The following FAM120AOS variants were observed in gnomAD, a reference collection of about 807,000 sequenced individuals.
FAM120AOS encodes family with sequence similarity 120 member A opposite strand.
In FAM120AOS, 15 loss-of-function variants were observed where a neutral mutation model predicts 20.2. The observed-to-expected ratio is 0.74, with a 90% CI of 0.50 to 1.15. FAM120AOS has a LOEUF of 1.15. Ranked by LOEUF, FAM120AOS falls within the 50% of genes most tolerant of loss-of-function variation. FAM120AOS has a pLI of 0.00. For missense variants in FAM120AOS, 327 were observed against 351.9 expected, an observed-to-expected ratio of 0.93 and a Z score of 0.57; for synonymous variants, 154 against 154.0, an observed-to-expected ratio of 1.00 and a Z score of 0.00.
intron 1 of FAM120AOS, chr9:93,451,405 G>A: frequency 3.7e-6 from 5 of 1,365,054 alleles, no homozygotes; most frequent in Middle Eastern, 2.8e-4. Context: ...CGGGAACAGG[G>A]CGCAGGGGAG....
In FAM120AOS at chr9:93,452,581, A is replaced by T. The variant is rs79629992; in HGVS notation, c.129T>A (p.Ala43=). The part of the protein sequence containing the change: ...RTPNRDSWRR[A]WAARGLHPRP... ...GCGGGTGCAGGCCGCGCGCTGCCCA[A>T]GCCCGTCTCCAGCTGTCCCTGTTCG... The change falls in exon 1 of 3, where the codon GCT becomes GCA. Residue 43 remains alanine (A), a synonymous_variant. Transcript: ENST00000375412. The surrounding 1 kb of genome is among the most constrained non-coding windows in gnomAD (Gnocchi z 7.0). The T allele has an allele frequency of 1.3e-6, 2 of 1,596,618 alleles. No individual in the cohort carries two copies. The highest frequency in any genetic ancestry group is 2.7e-5 in the African/African-American group (2 of 74,954).
chr9:93,444,677 C>T lies in FAM120AOS; in HGVS notation c.*2934G>A, dbSNP rs182239743. On this transcript the variant is annotated 3_prime_UTR_variant, in exon 3 of 3. Coordinates refer to ENST00000375412, the MANE Select transcript of FAM120AOS (RefSeq NM_198841.4). ...TTGCCCAGGCTGGAGTGCAATGGTG[C>T]GATCTCGGCTCACCGCAACCTCCGC... is the stretch of plus-strand genomic sequence containing the variant. Among the ~76,000 whole-genome samples, 3 of 151,158 alleles carry T rather than the reference C, an allele frequency of 2.0e-5. No individual in the cohort carries two copies. The highest frequency in any genetic ancestry group is 2.1e-4 in the South Asian group (1 of 4,766).
chr9:93,451,360 C>T, intron 1 of FAM120AOS: 2 of 1,422,928 alleles, frequency 1.4e-6, no homozygotes, highest in South Asian at 1.5e-5. Context: ...CGCCCGAGAA[C>T]CACCGGGCGG....
At chr9:93,450,421 G>T in intron 2 of FAM120AOS, 58 bp downstream of exon 2, 1 of 1,518,130 alleles carries the variant, frequency 6.6e-7, no homozygotes, top group Non-Finnish European at 8.8e-7. Context: ...ATGTACGTAT[G>T]ATACTGGCTT....
intron 2 of FAM120AOS, chr9:93,448,385 T>C: frequency 5.7e-6 from 1 of 174,572 alleles, no homozygotes; most frequent in Non-Finnish European, 1.2e-5. Context: ...TCCCAGCTAC[T>C]CCAGAGGCTG....
chr9:93,452,293 C>G lies in FAM120AOS; in HGVS notation c.417G>C (p.Trp139Cys), dbSNP rs1857275077. Residue 139 changes from tryptophan (W) to cysteine (C), a missense_variant, in exon 1 of 3, where the codon TGG becomes TGC. By Grantham distance (215) the Trp-to-Cys change is radical. Transcript: ENST00000375412. The surrounding 1 kb of genome is among the most constrained non-coding windows in gnomAD (Gnocchi z 7.0). ...QTFGGGVPLF[W>C]TWLTICCAVW... ...CGGCACAGCAGATCGTCAGCCATGT[C>G]CAGAACAAGGGCACCCCGCCGCCAA... The G allele has an allele frequency of 6.2e-7, 1 of 1,612,912 alleles. No homozygotes were observed. The highest frequency in any genetic ancestry group is 8.5e-7 in the Non-Finnish European group (1 of 1,179,888).
chr9:93,451,537 G>A lies in FAM120AOS; in HGVS notation c.563+610C>T, dbSNP rs952807353. On this transcript the variant is annotated intron_variant, in intron 1 of 2. Coordinates refer to ENST00000375412, the MANE Select transcript of FAM120AOS (RefSeq NM_198841.4). ...CCAACTCCGGGCCTCCGCCTCCGCC[G>A]CCGCCTCCGGGAGCCCCGAGCCGCG... 55 of 989,146 alleles carry A rather than the reference G, an allele frequency of 5.6e-5. No homozygotes were observed. The Admixed American group carries it at 8.0e-4, about 14-fold the overall frequency. The allele number at this position is 989,146 out of a possible 1,614,324, so 61.3% of individuals were successfully genotyped here. A position where few individuals can be genotyped will look rare whatever the true frequency, so the allele number is the denominator to read the frequency against.
chr9:93,452,606 G>A lies in FAM120AOS; in HGVS notation c.104C>T (p.Pro35Leu), dbSNP rs1326264245. 5.6e-6 allele frequency: 9 copies of A among 1,598,860 alleles called. No individual in the cohort carries two copies. The highest frequency in any genetic ancestry group is 1.7e-4 in the Middle Eastern group (1 of 5,970). The stretch of plus-strand genomic sequence containing the variant: ...AGCCCGTCTCCAGCTGTCCCTGTTC[G>A]GGGTCCGCGGCCGCGTGGGGACACT... ...PSSVPTRPRT[P>L]NRDSWRRAWA... Residue 35 changes from proline to leucine, a missense_variant, in exon 1 of 3, where the codon CCG becomes CTG. Pro to Leu is a moderately conservative substitution (Grantham distance 98, BLOSUM62 -3). Coordinates refer to ENST00000375412, the MANE Select transcript of FAM120AOS (RefSeq NM_198841.4). The surrounding 1 kb of genome is among the most constrained non-coding windows in gnomAD (Gnocchi z 7.0).
Position 93,453,103 on chromosome 9 carries a change from G to A in FAM120AOS, c.-394C>T. 2 of 1,048,642 alleles carry A rather than the reference G, an allele frequency of 1.9e-6. No individual in the cohort carries two copies. The highest frequency in any genetic ancestry group is 2.3e-6 in the Non-Finnish European group (2 of 870,272). The allele number at this position is 1,048,642 out of a possible 1,614,324, so 65.0% of individuals were successfully genotyped here. ...GTGACTTCACGTCCGTGTGAAAGAG[G>A]TCTTTAAGGCAGTTCGGTTTTGTAG... On this transcript the variant is annotated 5_prime_UTR_variant, in exon 1 of 3. Coordinates refer to ENST00000375412, the MANE Select transcript of FAM120AOS (RefSeq NM_198841.4).
intron 1 of FAM120AOS, chr9:93,451,314 G>T: frequency 6.9e-7 from 1 of 1,447,294 alleles, no homozygotes. Flanking sequence ...AGGAGCAGGC[G>T]AGCTCTTCCC....
At chr9:93,449,492 A>ATTTTTTTTTTT (rs10667664) in intron 2 of FAM120AOS, among the ~76,000 whole-genome samples, 5 of 109,532 alleles carry the variant, frequency 4.6e-5, no homozygotes, top group East Asian at 2.7e-4. Context: ...TGGCACTGGC[A>ATTTTTTTTTTT]TTTTTTTTTT....
At position 93,447,582 on chromosome 9, in the gene FAM120AOS, A is replaced by G. The variant is rs1438075641; in HGVS notation, c.*29T>C. 2.5e-6 allele frequency: 4 copies of G among 1,601,690 alleles called. No homozygotes were observed. The highest frequency in any genetic ancestry group is 3.4e-6 in the Non-Finnish European group (4 of 1,169,678). On this transcript the variant is annotated 3_prime_UTR_variant, in exon 3 of 3. Coordinates refer to ENST00000375412, the MANE Select transcript of FAM120AOS (RefSeq NM_198841.4). ...ATCAGGGTGGTTTCTTGTCCTTTCA[A>G]TGCCTCTGCAGAACTTGACCCTAGT... is the stretch of plus-strand genomic sequence containing the variant.
In FAM120AOS at chr9:93,451,877, C is replaced by G. The variant is rs1197889575; in HGVS notation, c.563+270G>C. ...GGCCCCACCACCCCCGGCCCCGCCG[C>G]CCCCCGCCCGCACCCGCGCCCGCGC... On this transcript the variant is annotated intron_variant, in intron 1 of 2. Transcript: ENST00000375412. The G allele has an allele frequency of 1.6e-5, 19 of 1,178,368 alleles. No individual in the cohort carries two copies. In the South Asian group the frequency reaches 5.8e-4, roughly 36 times the overall value. 73.0% of individuals were successfully genotyped at this position (1,178,368 alleles called of 1,614,324 possible).
intron 2 of FAM120AOS, among the ~76,000 whole-genome samples, chr9:93,448,167 G>C (rs1262627246): frequency 6.6e-6 from 1 of 152,154 alleles, no homozygotes; most frequent in African/African-American, 2.4e-5. Flanking sequence ...GTTATTGTTG[G>C]TGGTTAGATA....
Position 93,452,268 on chromosome 9 carries a change from C to G in FAM120AOS, c.442G>C (p.Val148Leu), listed in dbSNP as rs748792452. 1.9e-6 allele frequency: 3 copies of G among 1,612,292 alleles called. No individual in the cohort carries two copies. Among genetic ancestry groups the G allele is most frequent in the Non-Finnish European group, 2.5e-6 (3 of 1,179,742 alleles). The change falls in exon 1 of 3, where the codon GTC (valine) becomes CTC (leucine). Residue 148 changes from valine (V) to leucine (L), a missense_variant. Transcript: ENST00000375412. This position sits in a 1 kb window ranked among gnomAD's most constrained non-coding sequence, Gnocchi z 7.0. ...FWTWLTICCA[V>L]WRSLPCRLTH... ...AAGCGGCAGGGCAACGAGCGCCAGA[C>G]GGCACAGCAGATCGTCAGCCATGTC...
rs1462212762 is a variant in FAM120AOS at position 93,445,308 on chromosome 9, A to G, written c.*2303T>C. On this transcript the variant is annotated 3_prime_UTR_variant, in exon 3 of 3. Transcript: ENST00000375412. ...GAGAAAAAATAAAAAAAAATTGTGT[A>G]TAGTTTTGGTGAGATCGTCAATCCA... 1.3e-5 allele frequency among the ~76,000 whole-genome samples: 2 copies of G among 152,096 alleles called. No individual in the cohort carries two copies. The highest frequency in any genetic ancestry group is 1.9e-4 in the East Asian group (1 of 5,194).
At chr9:93,451,828 C>T in intron 1 of FAM120AOS, 2 of 966,090 alleles carry the variant, frequency 2.1e-6, no homozygotes, top group Non-Finnish European at 2.5e-6. Flanking sequence ...GCCGCCCCCG[C>T]CCGCCAGCCC....
rs1183915469 is a variant in FAM120AOS at position 93,444,865 on chromosome 9, C to T, written c.*2746G>A. On this transcript the variant is annotated 3_prime_UTR_variant, in exon 3 of 3. Transcript: ENST00000375412. Reference sequence around the variant, plus strand: ...CCGACCTCAGGTGATCCACCCGCCTCGGCCTCCCAAAGTGCTGGGATTACA... The same window carrying T: ...CCGACCTCAGGTGATCCACCCGCCTTGGCCTCCCAAAGTGCTGGGATTACA... Among the ~76,000 whole-genome samples the T allele has an allele frequency of 2.6e-5, 4 of 151,762 alleles. No homozygotes were observed. The highest frequency in any genetic ancestry group is 4.4e-5 in the Non-Finnish European group (3 of 67,910).
Position 93,446,745 on chromosome 9 carries a change from T to A in FAM120AOS, c.*866A>T, listed in dbSNP as rs866283291. The A allele has an allele frequency of 6.6e-6, 1 of 152,134 alleles. No individual in the cohort carries two copies. 9.4% of individuals were successfully genotyped at this position (152,134 alleles called of 1,614,324 possible). ...ATAGCACTCATCTGAAGGCCCTCCA[T>A]GAGAACAACTCTTCTCTTCCACATA... On this transcript the variant is annotated 3_prime_UTR_variant, in exon 3 of 3. Transcript: ENST00000375412.
Sources: allele counts gnomAD v4.1 joint callset (sites outside exome capture counted in the v4.1 genomes callset), GRCh38; gene constraint gnomAD v4.1.1; non-coding constraint Gnocchi (gnomAD v3.1); transcripts MANE v1.5; gene names NCBI Gene and HGNC (gene_info 2026-07-23, HGNC 2026-07-21).